The following GEMIN2 variants were observed in gnomAD, a reference collection of about 807,000 sequenced individuals.
GEMIN2 encodes gem-associated protein 2.
GEMIN2 carries 37 observed loss-of-function variants against 45.8 expected under a neutral mutation model. That is an observed-to-expected ratio of 0.81 (90% confidence interval 0.62 to 1.06). The LOEUF (loss-of-function observed/expected upper bound fraction) is 1.06, where lower values mean the gene tolerates loss of function less well. Ranked by LOEUF, GEMIN2 falls within the 50% of genes least tolerant of loss-of-function variation. GEMIN2 has a pLI of 0.00. For synonymous variants in GEMIN2, 101 were observed against 111.5 expected (o/e 0.91, Z 0.60); for missense variants, 335 against 321.8 (o/e 1.04, Z -0.31).
chr14:39,125,563 C>T lies in GEMIN2; in HGVS notation c.531+527C>T, dbSNP rs890397750. On this transcript the variant is annotated intron_variant, in intron 6 of 9. Transcript: ENST00000308317. ...CAACTGATCCACCCACCTTGGCCTC[C>T]CAAAGTGCTGGAATTACAGGCATGA... Among the ~76,000 whole-genome samples the T allele has an allele frequency of 1.6e-4, 24 of 152,096 alleles. No individual in the cohort carries two copies. In the Middle Eastern group the frequency reaches 0.01, roughly 65 times the overall value.
chr14:39,115,517 T>C (rs1228698678), intron 2 of GEMIN2, among the ~76,000 whole-genome samples: 1 of 145,598 alleles, frequency 6.9e-6, no homozygotes, highest in Non-Finnish European at 1.5e-5. Context: ...AGTGCAGTGG[T>C]GCGATCTCAG....
intron 4 of GEMIN2, 87 bp from the exon 5 acceptor site, chr14:39,122,343 T>C: frequency 7.4e-6 from 5 of 674,374 alleles, no homozygotes; most frequent in Non-Finnish European, 1.0e-5. Flanking sequence ...GTAATGGGAA[T>C]ATGGAAGGAC....
chr14:39,126,748 TG>T (rs2052645843), intron 6 of GEMIN2, among the ~76,000 whole-genome samples: 2 of 147,628 alleles, frequency 1.4e-5, no homozygotes, highest in Middle Eastern at 3.6e-3. Context: ...AATAAACTGA[TG>T]GTTTTTTTGT....
At position 39,133,592 on chromosome 14, in the gene GEMIN2, T is replaced by C. The variant is rs376221736; in HGVS notation, c.712-69T>C. On this transcript the variant is annotated intron_variant, in intron 8 of 9. Transcript: ENST00000308317. ...GTTTTCATGTTTCGTGTTTTACATC[T>C]TAATAGAAAATTTATTTCAAAAGTA... 78 of 837,080 alleles carry C rather than the reference T, an allele frequency of 9.3e-5. 1 individual carries two copies. The highest frequency in any genetic ancestry group is 7.1e-4 in the South Asian group (40 of 56,286). The allele number at this position is 837,080 out of a possible 1,614,324, so 51.9% of individuals were successfully genotyped here.
chr14:39,131,708 T>C (rs1480601706), intron 7 of GEMIN2: 1 of 363,486 alleles, frequency 2.8e-6, no homozygotes, highest in East Asian at 4.4e-5. Flanking sequence ...CATAAGAATA[T>C]CTGAAACAAA....
intron 3 of GEMIN2, 89 bp from the exon 4 acceptor site, chr14:39,118,451 T>G: frequency 1.4e-6 from 1 of 740,670 alleles, no homozygotes; most frequent in South Asian, 1.5e-5. Flanking sequence ...TTTTTCAAGT[T>G]TTAGATGGTT....
chr14:39,126,801 C>A (rs967986755), intron 6 of GEMIN2, among the ~76,000 whole-genome samples: 5 of 152,110 alleles, frequency 3.3e-5, no homozygotes, highest in Non-Finnish European at 5.9e-5. Flanking sequence ...GAGTCTCGCT[C>A]TGTCGCCAGG....
At chr14:39,118,122 T>A (rs774040164) in intron 3 of GEMIN2, 34 bp downstream of exon 3, 1 of 1,108,084 alleles carries the variant, frequency 9.0e-7, no homozygotes, top group Admixed American at 2.0e-5. Context: ...TAAGCCCCTG[T>A]TGGATTTATT....
At chr14:39,128,164 G>C (rs1267846930) in intron 6 of GEMIN2, 116 bp from the exon 7 acceptor site, 7 of 483,984 alleles carry the variant, frequency 1.4e-5, no homozygotes, top group Admixed American at 1.1e-4. Context: ...AAAGTTTAAA[G>C]AATGAGGCCA....
intron 2 of GEMIN2, 24 bp from the exon 3 acceptor site, chr14:39,117,974 TA>T: frequency 7.6e-7 from 1 of 1,315,680 alleles, no homozygotes; most frequent in Non-Finnish European, 1.1e-6. Context: ...ATGTTGATCC[TA>T]ATATTTGTGA....
At chr14:39,131,898 A>G in intron 7 of GEMIN2, 60 bp from the exon 8 acceptor site, 1 of 819,958 alleles carries the variant, frequency 1.2e-6, no homozygotes, top group Non-Finnish European at 2.1e-6. Flanking sequence ...TTGGACATTT[A>G]AAAAATAAAC....
intron 5 of GEMIN2, 60 bp downstream of exon 5, chr14:39,122,603 A>C: frequency 1.2e-6 from 1 of 846,736 alleles, no homozygotes; most frequent in South Asian, 1.5e-5. Flanking sequence ...ACCACTTAAT[A>C]TAAGGGGTCA....
intron 7 of GEMIN2, among the ~76,000 whole-genome samples, chr14:39,131,292 T>G (rs1404709114): frequency 1.3e-5 from 2 of 152,028 alleles, no homozygotes; most frequent in Admixed American, 1.3e-4. Flanking sequence ...AGTGAAACTC[T>G]GTCTCAAAAA....
intron 6 of GEMIN2, among the ~76,000 whole-genome samples, chr14:39,126,370 A>G (rs1211820350): frequency 2.6e-5 from 4 of 151,894 alleles, no homozygotes; most frequent in Non-Finnish European, 4.4e-5. Flanking sequence ...GGTAGAGACA[A>G]GGTCTCACTG....
intron 7 of GEMIN2, among the ~76,000 whole-genome samples, chr14:39,130,290 T>C (rs2052700003): frequency 6.6e-6 from 1 of 152,022 alleles, no homozygotes; most frequent in Admixed American, 6.6e-5. Context: ...GAGGAACCCA[T>C]TTAGTGTGTT....
chr14:39,124,998 T>A lies in GEMIN2; in HGVS notation c.493T>A (p.Phe165Ile). Residue 165 changes from phenylalanine to isoleucine, a missense_variant, in exon 6 of 10, where the codon TTT becomes ATT. By Grantham distance (21) the Phe-to-Ile change is conservative. Transcript: ENST00000308317. Reference sequence around the variant, plus strand: ...GTCTCATTTTTTCTTTCAGATTGGTTTTCCTCCCTTGCTTAGTATTGTTAG... The same window carrying A: ...GTCTCATTTTTTCTTTCAGATTGGTATTCCTCCCTTGCTTAGTATTGTTAG... ...SPGIDYVQIGFPPLLSIVSRM... is the reference protein window; with the variant it reads ...SPGIDYVQIGIPPLLSIVSRM... 1 of 1,476,020 alleles carries A rather than the reference T, an allele frequency of 6.8e-7. No homozygotes were observed. 91.4% of individuals were successfully genotyped at this position (1,476,020 alleles called of 1,614,324 possible).
intron 9 of GEMIN2, chr14:39,134,008 C>G (rs1001865877): frequency 5.5e-6 from 1 of 182,796 alleles, no homozygotes; most frequent in African/African-American, 2.4e-5. Flanking sequence ...GTTGCCCAGG[C>G]TGGTCTCAAA....
At chr14:39,116,982 C>T (rs55790340) in intron 2 of GEMIN2, among the ~76,000 whole-genome samples, 12,133 of 152,130 alleles carry the variant, frequency 0.08, 517 homozygotes, top group African/African-American at 0.11. Flanking sequence ...TTTTAGAAAA[C>T]AGAAGTATGG....
Position 39,114,857 on chromosome 14 carries a change from G to A in GEMIN2, c.166G>A (p.Val56Met). ...CGAAGCAGCTCAATGTCCAGATGTT[G>A]TGGTAGCTCAAATTGACCCAAAGAA... The part of the protein sequence containing the change: ...QIEAAQCPDV[V>M]VAQIDPKKLK... Residue 56 changes from valine (V) to methionine (M), a missense_variant, in exon 2 of 10, where the codon GTG becomes ATG. Coordinates refer to ENST00000308317, the MANE Select transcript of GEMIN2 (RefSeq NM_003616.3). 6.3e-7 allele frequency: 1 copy of A among 1,575,084 alleles called. No individual in the cohort carries two copies. The highest frequency in any genetic ancestry group is 8.7e-7 in the Non-Finnish European group (1 of 1,144,366).
Sources: allele counts gnomAD v4.1 joint callset (sites outside exome capture counted in the v4.1 genomes callset), GRCh38; gene constraint gnomAD v4.1.1; transcripts MANE v1.5; gene names NCBI Gene and HGNC (gene_info 2026-07-23, HGNC 2026-07-21).